HMCN1: variants seen among roughly 807,000 people sequenced by gnomAD.
HMCN1 encodes the protein hemicentin-1.
HMCN1 carries 321 observed loss-of-function variants against 625.9 expected under a neutral mutation model. The observed-to-expected ratio is 0.51, with a 90% CI of 0.47 to 0.56. The LOEUF (loss-of-function observed/expected upper bound fraction) is 0.56, where lower values mean the gene tolerates loss of function less well. Among genes scored for constraint, HMCN1 ranks in the 20% least tolerant of loss-of-function variants. The pLI, the probability that HMCN1 is intolerant of heterozygous loss-of-function variation, is 0.00. For synonymous variants in HMCN1, 2,425 were observed against 2,417.6 expected (o/e 1.00, Z -0.09); for missense variants, 6,588 against 6,887.3 (o/e 0.96, Z 1.54).
intron 94 of HMCN1, 77 bp from the exon 95 acceptor site, chr1:186,151,529 G>GT: frequency 7.0e-7 from 1 of 1,431,080 alleles, no homozygotes; most frequent in East Asian, 2.3e-5. Context: ...ATTCATCCTT[G>GT]TGAATAATAT....
intron 1 of HMCN1, among the ~76,000 whole-genome samples, chr1:185,823,147 T>A (rs181340567): frequency 2.6e-4 from 40 of 152,146 alleles, no homozygotes; most frequent in African/African-American, 9.2e-4. Context: ...ATGTCACATA[T>A]GGACCCAAAT....
chr1:185,990,572 A>G, intron 22 of HMCN1, 129 bp downstream of exon 22: 1 of 755,370 alleles, frequency 1.3e-6, no homozygotes, highest in East Asian at 2.6e-5. Context: ...TCACATGTAC[A>G]TCTGAGTCTA....
intron 28 of HMCN1, among the ~76,000 whole-genome samples, chr1:186,002,615 C>T (rs752890578): frequency 1.7e-4 from 26 of 152,076 alleles, no homozygotes; most frequent in South Asian, 6.2e-4. Flanking sequence ...GGTACTTGTC[C>T]GCTCCCTTGA....
intron 53 of HMCN1, among the ~76,000 whole-genome samples, chr1:186,075,914 T>C (rs971995631): frequency 1.3e-5 from 2 of 152,206 alleles, no homozygotes; most frequent in East Asian, 3.8e-4. Context: ...ATGCTTTTGA[T>C]GTGCAGGCAA....
At chr1:186,067,757 A>G (rs565556010) in intron 49 of HMCN1, 77 bp from the exon 50 acceptor site, 141 of 948,146 alleles carry the variant, frequency 1.5e-4, no homozygotes, top group Non-Finnish European at 2.2e-4. Flanking sequence ...ATACAAATAC[A>G]TATAATGGAA....
At chr1:185,811,703 C>T (rs1286827734) in intron 1 of HMCN1, among the ~76,000 whole-genome samples, 1 of 150,954 alleles carries the variant, frequency 6.6e-6, no homozygotes, top group African/African-American at 2.4e-5. Flanking sequence ...AAAGAAAAGG[C>T]AGTCTTATTT....
intron 4 of HMCN1, among the ~76,000 whole-genome samples, chr1:185,893,155 C>CG (rs1361672225): frequency 7.9e-5 from 12 of 152,222 alleles, no homozygotes; most frequent in African/African-American, 2.7e-4. Context: ...GGCAATGCCT[C>CG]GCCCTGCTTC....
chr1:185,812,146 A>AT (rs139918904), intron 1 of HMCN1, among the ~76,000 whole-genome samples: 89 of 149,970 alleles, frequency 5.9e-4, no homozygotes, highest in African/African-American at 2.0e-3. Flanking sequence ...TATGTTGTTG[A>AT]TTTTTTTTTT....
chr1:186,053,838 G>T lies in HMCN1; in HGVS notation c.6714G>T (p.Leu2238=). Residue 2238 remains leucine, a synonymous_variant, in exon 44 of 107, where the codon CTG becomes CTT. Transcript: ENST00000271588. ...ACTTCTTTGTAGGCTCTCCAGTGCT[G>T]ACTGATTCCATGGGGCGAGTTAGAA... ...LIWKKKGSPV[L]TDSMGRVRIL... 8 of 1,612,586 alleles carry T rather than the reference G, an allele frequency of 5.0e-6. No individual in the cohort carries two copies. The highest frequency in any genetic ancestry group is 6.8e-6 in the Non-Finnish European group (8 of 1,179,112).
chr1:186,090,374 A>G (rs1659774009), intron 63 of HMCN1, among the ~76,000 whole-genome samples: 2 of 151,996 alleles, frequency 1.3e-5, no homozygotes, highest in African/African-American at 4.8e-5. Context: ...CAGAGTCTAT[A>G]AGTCTAGTGA....
rs555100636 is a variant in HMCN1 at position 186,155,862 on chromosome 1, TCTAGA to T, written c.15256+1881_15256+1885del. On this transcript the variant is annotated intron_variant, in intron 97 of 106. Transcript: ENST00000271588. ...AGCTTAACTAGCAAATTATGTTCTG[TCTAGA>T]CTAGAGCTAAGTATGGTTGCAGTGA... 1.2e-4 allele frequency among the ~76,000 whole-genome samples: 18 copies of T among 152,328 alleles called. No individual in the cohort carries two copies. The South Asian group carries it at 3.3e-3, about 28-fold the overall frequency.
chr1:186,083,081 C>CCTG, intron 57 of HMCN1, 120 bp downstream of exon 57: 1 of 446,002 alleles, frequency 2.2e-6, no homozygotes, highest in Non-Finnish European at 4.1e-6. Flanking sequence ...GGAGCCTATA[C>CCTG]TCATTCAATC....
At chr1:186,161,157 C>T (rs1422326951) in intron 97 of HMCN1, among the ~76,000 whole-genome samples, 14 of 150,486 alleles carry the variant, frequency 9.3e-5, no homozygotes, top group Admixed American at 7.9e-4. Flanking sequence ...TTGAATTGAT[C>T]CCTTTACCAT....
intron 97 of HMCN1, among the ~76,000 whole-genome samples, chr1:186,161,291 C>T (rs1309668192): frequency 3.3e-5 from 5 of 151,896 alleles, no homozygotes; most frequent in South Asian, 4.2e-4. Flanking sequence ...TCCTCCATCC[C>T]TTTATTTTGA....
chr1:185,954,803 C>T (rs1649505986), intron 11 of HMCN1, among the ~76,000 whole-genome samples: 1 of 152,206 alleles, frequency 6.6e-6, no homozygotes, highest in South Asian at 2.1e-4. Flanking sequence ...CCAGACCACA[C>T]CTAACAATAT....
At chr1:186,082,046 T>G (rs1440960109) in intron 56 of HMCN1, among the ~76,000 whole-genome samples, 1 of 152,190 alleles carries the variant, frequency 6.6e-6, no homozygotes, top group Admixed American at 6.5e-5. Context: ...AGAGGTTTAT[T>G]ACTTATAAAT....
chr1:185,971,871 A>G lies in HMCN1; in HGVS notation c.2371+1378A>G, dbSNP rs1350085814. ...ACAAAGACCACTATAGAATCTGTCT[A>G]GGACACTGTAACACGTGTTTGAACC... On this transcript the variant is annotated intron_variant, in intron 15 of 106. Coordinates refer to ENST00000271588, the MANE Select transcript of HMCN1 (RefSeq NM_031935.3). Among the ~76,000 whole-genome samples the G allele has an allele frequency of 2.0e-5, 3 of 152,184 alleles. No individual in the cohort carries two copies. The East Asian group carries it at 5.8e-4, about 29-fold the overall frequency.
intron 14 of HMCN1, among the ~76,000 whole-genome samples, chr1:185,968,908 A>G (rs897783028): frequency 1.3e-5 from 2 of 152,202 alleles, no homozygotes; most frequent in Non-Finnish European, 2.9e-5. Flanking sequence ...AGAATCTATC[A>G]AAATGTGATT....
intron 37 of HMCN1, 29 bp from the exon 38 acceptor site, chr1:186,038,800 T>C: frequency 6.2e-6 from 9 of 1,459,170 alleles, no homozygotes; most frequent in Non-Finnish European, 6.7e-6. Flanking sequence ...AATTTTTACA[T>C]AGATCATCTT....
Sources: gnomAD v4.1 joint callset for allele counts (sites outside exome capture counted in the v4.1 genomes callset) on GRCh38, gnomAD v4.1.1 for gene constraint, MANE v1.5 for transcripts, NCBI Gene and HGNC (gene_info 2026-07-23, HGNC 2026-07-21) for gene names.